Variants in SLC25A46 observed in about 807,000 individuals in gnomAD.
SLC25A46 encodes solute carrier family 25 member 46.
A neutral mutation model predicts 44.6 loss-of-function variants in SLC25A46; 39 were observed. That is an observed-to-expected ratio of 0.87 (90% CI 0.68 to 1.14). The LOEUF (loss-of-function observed/expected upper bound fraction) is 1.14. Ranked by LOEUF, SLC25A46 falls within the 50% of genes most tolerant of loss-of-function variation. The pLI, the probability that SLC25A46 is intolerant of heterozygous loss-of-function variation, is 0.00. For missense variants in SLC25A46, 547 were observed against 522.7 expected, an observed-to-expected ratio of 1.05 and a Z score of -0.45; for synonymous variants, 202 against 185.8, an observed-to-expected ratio of 1.09 and a Z score of -0.71.
intron 5 of SLC25A46, among the ~76,000 whole-genome samples, chr5:110,748,603 C>G (rs1253486301): frequency 6.6e-6 from 1 of 152,068 alleles, no homozygotes. Flanking sequence ...TGTGTCTTGG[C>G]TTAGTATCTA....
In SLC25A46 at chr5:110,756,746, T is replaced by C. The variant is rs1185807948; in HGVS notation, c.665T>C (p.Ile222Thr). 2.6e-6 allele frequency: 4 copies of C among 1,564,958 alleles called. No individual in the cohort carries two copies. The African/African-American group carries it at 4.2e-5, about 16-fold the overall frequency. Residue 222 changes from isoleucine to threonine, a missense_variant, in exon 7 of 8, where the codon ATT (isoleucine) becomes ACT (threonine). Ile to Thr is a moderately conservative substitution (Grantham distance 89). Transcript: ENST00000355943. ...VAMPFYSASL[I>T]ETVQSEIIRD... ...ATGCCTTTTTATTCAGCAAGTCTGATTGAAACAGTGCAGGTGAGCTTTTTT... is the reference window on the plus strand; with the variant it reads ...ATGCCTTTTTATTCAGCAAGTCTGACTGAAACAGTGCAGGTGAGCTTTTTT...
In SLC25A46 at chr5:110,761,812, A is replaced by AAGAT. The variant is rs1800260237; in HGVS notation, c.*32_*35dup. The stretch of plus-strand genomic sequence containing the variant: ...TAGGTTCCTTCACTGAGTAGTCTGG[A>AAGAT]AGATATAATCTGGATAATTTGCTAT... On this transcript the variant is annotated 3_prime_UTR_variant, in exon 8 of 8. Coordinates refer to ENST00000355943, the MANE Select transcript of SLC25A46 (RefSeq NM_138773.4). The surrounding 1 kb of genome is among the most constrained non-coding windows in gnomAD (Gnocchi z 5.3). The AAGAT allele has an allele frequency of 6.5e-7, 1 of 1,534,596 alleles. No homozygotes were observed. The highest frequency in any genetic ancestry group is 8.8e-7 in the Non-Finnish European group (1 of 1,129,994).
rs766200650 is a variant in SLC25A46, at chr5:110,761,394, T to G, written c.869T>G (p.Leu290Arg). ...ATTCAGAAGTTTGTCCTACTAATTC[T>G]AAAGAGAAAGACTTACAATAGCCAC... ...SVIQKFVLLILKRKTYNSHLA... is the reference protein window; with the variant it reads ...SVIQKFVLLIRKRKTYNSHLA... The change falls in exon 8 of 8, where the codon CTA becomes CGA. Residue 290 changes from leucine to arginine, a missense_variant. Coordinates refer to ENST00000355943, the MANE Select transcript of SLC25A46 (RefSeq NM_138773.4). The surrounding 1 kb of genome is among the most constrained non-coding windows in gnomAD (Gnocchi z 5.3). 2 of 1,613,796 alleles carry G rather than the reference T, an allele frequency of 1.2e-6. No homozygotes were observed. Among genetic ancestry groups the G allele is most frequent in the African/African-American group, 2.7e-5 (2 of 75,022 alleles).
At position 110,761,342 on chromosome 5, in the gene SLC25A46, G is replaced by A. The variant is rs769124843; in HGVS notation, c.817G>A (p.Val273Ile). 12 of 1,613,752 alleles carry A rather than the reference G, an allele frequency of 7.4e-6. No individual in the cohort carries two copies. Among genetic ancestry groups the A allele is most frequent in the African/African-American group, 1.3e-5 (1 of 75,014 alleles). Residue 273 changes from valine (V) to isoleucine (I), a missense_variant, in exon 8 of 8, where the codon GTT (valine) becomes ATT (isoleucine). Val to Ile is a conservative substitution (Grantham distance 29). Coordinates refer to ENST00000355943, the MANE Select transcript of SLC25A46 (RefSeq NM_138773.4). This position sits in a 1 kb window ranked among gnomAD's most constrained non-coding sequence, Gnocchi z 5.3. ...GATCTTCCCTACGGTGCTTCATGGA[G>A]TTCTTCATTACATCATCAGCTCAGT... ...SLIFPTVLHGVLHYIISSVIQ... is the reference protein window; with the variant it reads ...SLIFPTVLHGILHYIISSVIQ...
At chr5:110,754,501 G>GCCTC (rs1800055085) in intron 5 of SLC25A46, 3 of 139,380 alleles carry the variant, frequency 2.2e-5, no homozygotes, top group Admixed American at 7.3e-5. Flanking sequence ...ATTTCAGCTT[G>GCCTC]CCTCCCTCCC....
upstream of SLC25A46, chr5:110,738,921 C>CAACCGT: frequency 7.2e-7 from 1 of 1,392,168 alleles, no homozygotes; most frequent in Non-Finnish European, 9.4e-7. Flanking sequence ...GTCTCCCTAG[C>CAACCGT]AACCGTGCCC....
Position 110,761,451 on chromosome 5 carries a change from T to C in SLC25A46, c.926T>C (p.Met309Thr). 2 of 1,613,758 alleles carry C rather than the reference T, an allele frequency of 1.2e-6. No individual in the cohort carries two copies. The highest frequency in any genetic ancestry group is 1.7e-6 in the Non-Finnish European group (2 of 1,179,804). ...LAESTSPVQS[M>T]LDAYFPELIA... ...GAGAGCACTAGCCCTGTGCAGAGTA[T>C]GTTGGATGCTTATTTTCCAGAACTT... The change falls in exon 8 of 8, where the codon ATG becomes ACG. Residue 309 changes from methionine to threonine, a missense_variant. By Grantham distance (81) the Met-to-Thr change is moderately conservative (BLOSUM62 -1). Transcript: ENST00000355943. This position sits in a 1 kb window ranked among gnomAD's most constrained non-coding sequence, Gnocchi z 5.3.
intron 7 of SLC25A46, among the ~76,000 whole-genome samples, chr5:110,759,687 GC>G (rs1259461570): frequency 6.6e-6 from 1 of 152,110 alleles, no homozygotes; most frequent in African/African-American, 2.4e-5. Flanking sequence ...TAATAATTGG[GC>G]TTTTGTTTGA....
In SLC25A46 at chr5:110,739,142, G is replaced by C. The variant is rs960197684; in HGVS notation, c.23G>C (p.Gly8Ala). The C allele has an allele frequency of 1.3e-6, 2 of 1,549,038 alleles. No individual in the cohort carries two copies. The highest frequency in any genetic ancestry group is 1.7e-6 in the Non-Finnish European group (2 of 1,146,850). MHPRRPD[G>A]FDGLGYRGGA... ...GCGATGCATCCGCGGCGCCCGGACG[G>C]ATTTGATGGCTTGGGCTACCGGGGT... is the stretch of plus-strand genomic sequence containing the variant. The change falls in exon 1 of 8, where the codon GGA (glycine) becomes GCA (alanine). Residue 8 changes from glycine (G) to alanine (A), a missense_variant. Physicochemically the swap from Gly to Ala is moderately conservative, Grantham distance 60. Transcript: ENST00000355943.
At chr5:110,760,410 A>C (rs1800219733) in intron 7 of SLC25A46, among the ~76,000 whole-genome samples, 1 of 152,058 alleles carries the variant, frequency 6.6e-6, no homozygotes, top group South Asian at 2.1e-4. Flanking sequence ...TTCAAAATAC[A>C]AATTATGTCA....
chr5:110,756,307 G>A (rs1273935356), intron 6 of SLC25A46, among the ~76,000 whole-genome samples: 1 of 151,824 alleles, frequency 6.6e-6, no homozygotes, highest in Non-Finnish European at 1.5e-5. Flanking sequence ...TGCTGGATGG[G>A]AAATCTGGGA....
At chr5:110,748,114 T>C in intron 4 of SLC25A46, 49 bp from the exon 5 acceptor site, 1 of 1,297,084 alleles carries the variant, frequency 7.7e-7, no homozygotes, top group Non-Finnish European at 1.1e-6. Context: ...ATCTTTTGTG[T>C]TTCAGATGTA....
intron 7 of SLC25A46, among the ~76,000 whole-genome samples, chr5:110,757,974 G>A (rs1458634809): frequency 1.3e-5 from 2 of 152,184 alleles, no homozygotes; most frequent in East Asian, 1.9e-4. Context: ...AATAACTGAC[G>A]TGTAACATTG....
At chr5:110,741,330 AT>A (rs1351387369) in intron 1 of SLC25A46, among the ~76,000 whole-genome samples, 1 of 152,232 alleles carries the variant, frequency 6.6e-6, no homozygotes, top group Non-Finnish European at 1.5e-5. Flanking sequence ...CTGTAGTAGC[AT>A]TTAGGTATCC....
In SLC25A46 at chr5:110,739,315, G is replaced by C; in HGVS notation, c.196G>C (p.Val66Leu). The change falls in exon 1 of 8, where the codon GTG becomes CTG. Residue 66 changes from valine to leucine, a missense_variant. Physicochemically the swap from Val to Leu is conservative, Grantham distance 32 (BLOSUM62 1). Coordinates refer to ENST00000355943, the MANE Select transcript of SLC25A46 (RefSeq NM_138773.4). ...HWGEKSPPYG[V>L]PTTSTPYEGP... ...GGGCGAGAAGAGCCCGCCCTACGGC[G>C]TGCCCACCACCTCCACCCCGTACGA... 1.3e-6 allele frequency: 2 copies of C among 1,569,126 alleles called. No individual in the cohort carries two copies. Among genetic ancestry groups the C allele is most frequent in the East Asian group, 2.3e-5 (1 of 42,704 alleles).
At chr5:110,754,063 C>T (rs1800040416) in intron 5 of SLC25A46, 1 of 152,056 alleles carries the variant, frequency 6.6e-6, no homozygotes, top group Non-Finnish European at 1.5e-5. Flanking sequence ...AAATAAATAT[C>T]CTAATAGTAA....
In SLC25A46 at chr5:110,763,883, T is replaced by G. The variant is rs1018240817; in HGVS notation, c.*2101T>G. 3 of 151,970 alleles carry G rather than the reference T, an allele frequency of 2.0e-5. No homozygotes were observed. The highest frequency in any genetic ancestry group is 7.2e-5 in the African/African-American group (3 of 41,528). 9.4% of individuals were successfully genotyped at this position (151,970 alleles called of 1,614,324 possible). A position where few individuals can be genotyped will look rare whatever the true frequency, so the allele number is the denominator to read the frequency against. On this transcript the variant is annotated 3_prime_UTR_variant, in exon 8 of 8. Transcript: ENST00000355943. ...AATAATTTTTTACAACCACTCCAAATTAGTTGAAACAAAATCTTGAACGGT... is the reference window on the plus strand; with the variant it reads ...AATAATTTTTTACAACCACTCCAAAGTAGTTGAAACAAAATCTTGAACGGT...
rs573304762 is a variant in SLC25A46 at position 110,762,049 on chromosome 5, G to A, written c.*267G>A. On this transcript the variant is annotated 3_prime_UTR_variant, in exon 8 of 8. Coordinates refer to ENST00000355943, the MANE Select transcript of SLC25A46 (RefSeq NM_138773.4). The stretch of plus-strand genomic sequence containing the variant: ...CACTCATGCTGAAGTAAACATGATC[G>A]TAGGCAGAAGCAAAATTTTATTATA... 216 of 291,688 alleles carry A rather than the reference G, an allele frequency of 7.4e-4. 1 individual carries two copies. Among genetic ancestry groups the A allele is most frequent in the African/African-American group, 4.0e-3 (182 of 45,432 alleles). The allele number at this position is 291,688 out of a possible 1,614,324, so 18.1% of individuals were successfully genotyped here.
intron 7 of SLC25A46, among the ~76,000 whole-genome samples, chr5:110,759,984 T>C (rs1005088811): frequency 6.6e-6 from 1 of 152,130 alleles, no homozygotes; most frequent in Admixed American, 6.5e-5. Context: ...AAATCTTAGG[T>C]TGAGACATCG....
Sources: allele counts gnomAD v4.1 joint callset (sites outside exome capture counted in the v4.1 genomes callset), GRCh38; gene constraint gnomAD v4.1.1; non-coding constraint Gnocchi (gnomAD v3.1); transcripts MANE v1.5; gene names NCBI Gene and HGNC (gene_info 2026-07-23, HGNC 2026-07-21).